The following CLEC3A variants were observed in gnomAD, a reference collection of about 807,000 sequenced individuals.
CLEC3A encodes C-type lectin domain family 3 member A, also known as C-type (calcium dependent, carbohydrate-recognition domain) lectin, superfamily member 1 (cartilage-derived).
Under a neutral mutation model 20.4 loss-of-function variants are expected in CLEC3A, and 28 were observed. That is an observed-to-expected ratio of 1.37 (90% CI 1.02 to 1.88). The LOEUF is 1.88. Among genes scored for constraint, CLEC3A ranks in the 40% most tolerant of loss-of-function variants. The pLI is 0.00. For missense variants in CLEC3A, 357 were observed against 240.4 expected (o/e 1.48, Z -3.21); for synonymous variants, 110 against 88.1 (o/e 1.25, Z -1.39).
intron 1 of CLEC3A, among the ~76,000 whole-genome samples, chr16:78,026,708 G>A (rs1044374268): frequency 6.6e-6 from 1 of 152,130 alleles, no homozygotes; most frequent in African/African-American, 2.4e-5. Context: ...GACCTCACAA[G>A]CTGCCAATCT....
chr16:78,030,480 G>C lies in CLEC3A; in HGVS notation c.233G>C (p.Cys78Ser), dbSNP rs765216220. Residue 78 changes from cysteine (C) to serine (S), a missense_variant, in exon 3 of 3, where the codon TGC (cysteine) becomes TCC (serine). Coordinates refer to ENST00000299642, the MANE Select transcript of CLEC3A (RefSeq NM_005752.6). Reference protein sequence around the residue: ...CLRGTKVHKKCYLASEGLKHF... With the variant: ...CLRGTKVHKKSYLASEGLKHF... ...CGAGGCACTAAAGTTCACAAGAAAT[G>C]CTACCTTGCTTCAGAAGGTTTGAAG... 3 of 1,611,064 alleles carry C rather than the reference G, an allele frequency of 1.9e-6. No homozygotes were observed. Among genetic ancestry groups the C allele is most frequent in the Non-Finnish European group, 2.5e-6 (3 of 1,178,124 alleles).
rs551733384 is a variant in CLEC3A, at chr16:78,029,395, G to C, written c.200-1052G>C. On this transcript the variant is annotated intron_variant, in intron 2 of 2. Transcript: ENST00000299642. The stretch of plus-strand genomic sequence containing the variant: ...TTGATTGATTGATTTTTGAGACAGA[G>C]TCTTGCACTGTTGCCCGGGCTGGAG... 1.3e-4 allele frequency among the ~76,000 whole-genome samples: 20 copies of C among 152,322 alleles called. No homozygotes were observed. In the Middle Eastern group the frequency reaches 0.01, roughly 78 times the overall value.
chr16:78,025,236 G>T (rs899445965), intron 1 of CLEC3A, among the ~76,000 whole-genome samples: 2 of 152,186 alleles, frequency 1.3e-5, no homozygotes, highest in Admixed American at 1.3e-4. Flanking sequence ...AGTTACCAGT[G>T]TAAGCAATAC....
chr16:78,029,584 G>T (rs575667384), intron 2 of CLEC3A, among the ~76,000 whole-genome samples: 2 of 152,090 alleles, frequency 1.3e-5, no homozygotes, highest in South Asian at 4.2e-4. Flanking sequence ...TGGCCAGACT[G>T]GTCTTGAACT....
chr16:78,024,158 T>G (rs1250737292), intron 1 of CLEC3A, among the ~76,000 whole-genome samples: 1 of 152,224 alleles, frequency 6.6e-6, no homozygotes, highest in Non-Finnish European at 1.5e-5. Context: ...AACATATTGC[T>G]GAAGATGGTA....
chr16:78,029,970 G>C (rs933387649), intron 2 of CLEC3A, among the ~76,000 whole-genome samples: 1 of 151,846 alleles, frequency 6.6e-6, no homozygotes, highest in Non-Finnish European at 1.5e-5. Context: ...TGGCTAACAC[G>C]GTGAAATCCC....
rs760364661 is a variant in CLEC3A, at chr16:78,030,464, A to G, written c.217A>G (p.Lys73Glu). 11 of 1,607,416 alleles carry G rather than the reference A, an allele frequency of 6.8e-6. No individual in the cohort carries two copies. Among genetic ancestry groups the G allele is most frequent in the African/African-American group, 1.3e-5 (1 of 74,638 alleles). The change falls in exon 3 of 3, where the codon AAA becomes GAA. Residue 73 changes from lysine to glutamate, a missense_variant. By Grantham distance (56) the Lys-to-Glu change is moderately conservative (BLOSUM62 1). Coordinates refer to ENST00000299642, the MANE Select transcript of CLEC3A (RefSeq NM_005752.6). ...ALQTVCLRGT[K>E]VHKKCYLASE... ...CTTCACAGTCTGTCTCCGAGGCACT[A>G]AAGTTCACAAGAAATGCTACCTTGC...
At position 78,031,008 on chromosome 16, in the gene CLEC3A, G is replaced by A; in HGVS notation, c.*167G>A. 1 of 735,694 alleles carries A rather than the reference G, an allele frequency of 1.4e-6. No homozygotes were observed. Among genetic ancestry groups the A allele is most frequent in the East Asian group, 2.8e-5 (1 of 35,656 alleles). The allele number at this position is 735,694 out of a possible 1,614,324, so 45.6% of individuals were successfully genotyped here. A position where few individuals can be genotyped will look rare whatever the true frequency, so the allele number is the denominator to read the frequency against. On this transcript the variant is annotated 3_prime_UTR_variant, in exon 3 of 3. Transcript: ENST00000299642. ...GCCAATTTTGCTAACACATTTCTTTGGGATTTTGCCCTTCCTGGGGTATAG... is the reference window on the plus strand; with the variant it reads ...GCCAATTTTGCTAACACATTTCTTTAGGATTTTGCCCTTCCTGGGGTATAG...
At position 78,032,061 on chromosome 16, in the gene CLEC3A, G is replaced by A. The variant is rs2030144933; in HGVS notation, c.*1220G>A. 1 of 152,676 alleles carries A rather than the reference G, an allele frequency of 6.5e-6. No individual in the cohort carries two copies. Among genetic ancestry groups the A allele is most frequent in the Admixed American group, 6.5e-5 (1 of 15,288 alleles). 9.5% of individuals were successfully genotyped at this position (152,676 alleles called of 1,614,324 possible). ...ACATGCTTGGAATTAAGTTTTAGCTGTTTTCATTGCTCAATAATAAAGCCT... is the reference window on the plus strand; with the variant it reads ...ACATGCTTGGAATTAAGTTTTAGCTATTTTCATTGCTCAATAATAAAGCCT... On this transcript the variant is annotated 3_prime_UTR_variant, in exon 3 of 3. Coordinates refer to ENST00000299642, the MANE Select transcript of CLEC3A (RefSeq NM_005752.6).
intron 1 of CLEC3A, among the ~76,000 whole-genome samples, chr16:78,026,339 T>C (rs1164373548): frequency 2.0e-5 from 3 of 152,188 alleles, no homozygotes; most frequent in Admixed American, 2.0e-4. Flanking sequence ...ATAGACTTCC[T>C]CCATGGAATC....
chr16:78,022,961 GA>G (rs2142584803), intron 1 of CLEC3A, among the ~76,000 whole-genome samples: 1 of 152,222 alleles, frequency 6.6e-6, no homozygotes, highest in African/African-American at 2.4e-5. Context: ...AAACAACAGG[GA>G]AAAAATTTGA....
intron 1 of CLEC3A, among the ~76,000 whole-genome samples, chr16:78,027,420 G>C (rs1020283205): frequency 6.6e-6 from 1 of 152,160 alleles, no homozygotes; most frequent in Non-Finnish European, 1.5e-5. Context: ...GCTGGAGCAA[G>C]AGTGATCCTA....
Position 78,032,018 on chromosome 16 carries a change from T to C in CLEC3A, c.*1177T>C, listed in dbSNP as rs1421789497. 6.6e-6 allele frequency: 1 copy of C among 152,650 alleles called. No individual in the cohort carries two copies. The highest frequency in any genetic ancestry group is 6.5e-5 in the Admixed American group (1 of 15,280). The allele number at this position is 152,650 out of a possible 1,614,324, so 9.5% of individuals were successfully genotyped here. On this transcript the variant is annotated 3_prime_UTR_variant, in exon 3 of 3. Coordinates refer to ENST00000299642, the MANE Select transcript of CLEC3A (RefSeq NM_005752.6). ...ATGTGTTTTGTGAACAATATCCCACTTTGCAAACTTTAACTACACATGCTT... is the reference window on the plus strand; with the variant it reads ...ATGTGTTTTGTGAACAATATCCCACCTTGCAAACTTTAACTACACATGCTT...
chr16:78,030,046 G>A (rs776605312), intron 2 of CLEC3A, among the ~76,000 whole-genome samples: 1 of 151,714 alleles, frequency 6.6e-6, no homozygotes, highest in Non-Finnish European at 1.5e-5. Flanking sequence ...CCAGCTACTC[G>A]GGAGCCTGAG....
Position 78,030,613 on chromosome 16 carries a change from G to A in CLEC3A, c.366G>A (p.Leu122=), listed in dbSNP as rs749234229. Residue 122 remains leucine, a synonymous_variant, in exon 3 of 3, where the codon CTG becomes CTA. Transcript: ENST00000299642. ...NALQDYGKRS[L]PGVNDFWLGI... The stretch of plus-strand genomic sequence containing the variant: ...TCCAAGACTATGGTAAAAGGAGCCT[G>A]CCAGGTGTCAATGACTTTTGGCTGG... 1.2e-6 allele frequency: 2 copies of A among 1,614,024 alleles called. No homozygotes were observed. The highest frequency in any genetic ancestry group is 3.3e-5 in the Admixed American group (2 of 59,996).
chr16:78,025,785 G>C (rs1268630503), intron 1 of CLEC3A, among the ~76,000 whole-genome samples: 2 of 152,094 alleles, frequency 1.3e-5, no homozygotes, highest in African/African-American at 2.4e-5. Context: ...GTACATAAAA[G>C]ACATCTATAT....
chr16:78,030,379 C>A, intron 2 of CLEC3A, 68 bp from the exon 3 acceptor site: 1 of 1,371,790 alleles, frequency 7.3e-7, no homozygotes, highest in Non-Finnish European at 1.0e-6. Context: ...TTGCTATTTG[C>A]CAGGTCCAGC....
intron 1 of CLEC3A, 67 bp downstream of exon 1, chr16:78,022,808 T>G: frequency 6.4e-7 from 1 of 1,552,360 alleles, no homozygotes; most frequent in Non-Finnish European, 8.8e-7. Context: ...TGGACAATGT[T>G]AATTTTCAAA....
At chr16:78,022,935 G>A (rs1481977169) in intron 1 of CLEC3A, among the ~76,000 whole-genome samples, 194 bp downstream of exon 1, 1 of 152,036 alleles carries the variant, frequency 6.6e-6, no homozygotes, top group South Asian at 2.1e-4. Flanking sequence ...AAACCAGGCT[G>A]CTGGGTTTTA....
Sources: gnomAD v4.1 joint callset for allele counts (sites outside exome capture counted in the v4.1 genomes callset) on GRCh38, gnomAD v4.1.1 for gene constraint, MANE v1.5 for transcripts, NCBI Gene and HGNC (gene_info 2026-07-23, HGNC 2026-07-21) for gene names.